PLS1: variants seen among roughly 807,000 people sequenced by gnomAD.
PLS1 encodes the protein plastin 1.
Under a neutral mutation model 73.7 loss-of-function variants are expected in PLS1, and 32 were observed. The ratio of observed to expected loss-of-function variants is 0.43; its 90% CI spans 0.33 to 0.58. The LOEUF is 0.58. PLS1 is among the 20% of genes least tolerant of loss of function. PLS1 has a pLI of 0.04. For synonymous variants in PLS1, 217 were observed against 261.3 expected (o/e 0.83, Z 1.63); for missense variants, 633 against 740.5 (o/e 0.85, Z 1.68).
At chr3:142,697,731 G>A (rs78603911) in intron 11 of PLS1, among the ~76,000 whole-genome samples, 6,807 of 152,174 alleles carry the variant, frequency 0.045, 189 homozygotes, top group East Asian at 0.14. Flanking sequence ...AAATATTGTG[G>A]CAATGAATGT....
At chr3:142,596,705 G>T (rs901811547) in intron 1 of PLS1, among the ~76,000 whole-genome samples, 196 bp downstream of exon 1, 27 of 152,236 alleles carry the variant, frequency 1.8e-4, no homozygotes, top group African/African-American at 6.0e-4. Context: ...GGCAGGCAGT[G>T]CCCGCAGGTG....
chr3:142,697,012 T>C (rs1025862507), intron 11 of PLS1, among the ~76,000 whole-genome samples: 1 of 152,062 alleles, frequency 6.6e-6, no homozygotes, highest in Non-Finnish European at 1.5e-5. Context: ...TAATTTAATA[T>C]GAACCTTAGC....
chr3:142,702,113 C>G (rs1050648559), intron 12 of PLS1, among the ~76,000 whole-genome samples: 1 of 152,170 alleles, frequency 6.6e-6, no homozygotes, highest in African/African-American at 2.4e-5. Context: ...ATGCTATTCA[C>G]AGGCGTGATT....
chr3:142,647,897 G>C (rs59017337), intron 1 of PLS1, among the ~76,000 whole-genome samples: 5,648 of 152,110 alleles, frequency 0.037, 344 homozygotes, highest in African/African-American at 0.13. Context: ...CTCTAGTAGG[G>C]GCTGTGTGGA....
At chr3:142,665,555 C>T (rs940071745) in intron 2 of PLS1, among the ~76,000 whole-genome samples, 3 of 152,070 alleles carry the variant, frequency 2.0e-5, no homozygotes, top group Non-Finnish European at 4.4e-5. Flanking sequence ...ATGTTCTGCT[C>T]ATTCTGAGCA....
chr3:142,670,090 G>T (rs1033147014), intron 3 of PLS1, among the ~76,000 whole-genome samples: 2 of 152,212 alleles, frequency 1.3e-5, no homozygotes, highest in Non-Finnish European at 2.9e-5. Context: ...GTGAGAGTTT[G>T]TGGTAGAAGG....
intron 1 of PLS1, among the ~76,000 whole-genome samples, chr3:142,637,894 G>T (rs2036729703): frequency 6.6e-6 from 1 of 151,110 alleles, no homozygotes; most frequent in Non-Finnish European, 1.5e-5. Flanking sequence ...GAGATTTAGA[G>T]CTGCTTTAAT....
At chr3:142,602,182 C>G (rs1424321280) in intron 1 of PLS1, among the ~76,000 whole-genome samples, 1 of 150,996 alleles carries the variant, frequency 6.6e-6, no homozygotes, top group African/African-American at 2.4e-5. Context: ...GGGACAGCAG[C>G]TTTTTCTCTG....
intron 1 of PLS1, among the ~76,000 whole-genome samples, chr3:142,636,619 T>C (rs973455156): frequency 2.0e-5 from 3 of 152,200 alleles, no homozygotes; most frequent in Non-Finnish European, 4.4e-5. Context: ...TCAAATAAGC[T>C]ATTAAGAGAA....
At chr3:142,653,197 T>C (rs1488456085) in intron 1 of PLS1, among the ~76,000 whole-genome samples, 2 of 152,212 alleles carry the variant, frequency 1.3e-5, no homozygotes, top group East Asian at 3.9e-4. Flanking sequence ...AGCTTGTTTC[T>C]GTTTTCTTCA....
At chr3:142,673,093 C>T (rs1406445651) in intron 4 of PLS1, among the ~76,000 whole-genome samples, 1 of 152,142 alleles carries the variant, frequency 6.6e-6, no homozygotes, top group Admixed American at 6.5e-5. Context: ...TCACATATAT[C>T]ATACTTCATT....
chr3:142,647,350 T>G (rs2036974776), intron 1 of PLS1, among the ~76,000 whole-genome samples: 2 of 152,170 alleles, frequency 1.3e-5, no homozygotes, highest in Non-Finnish European at 2.9e-5. Flanking sequence ...AATTACAAGG[T>G]GATAAGTTGC....
At chr3:142,602,846 C>G (rs564301678) in intron 1 of PLS1, among the ~76,000 whole-genome samples, 5 of 152,186 alleles carry the variant, frequency 3.3e-5, no homozygotes, top group African/African-American at 1.2e-4. Flanking sequence ...CTGGCTTCAC[C>G]GGGCTAATTT....
chr3:142,708,694 T>G (rs1577919103), intron 14 of PLS1, among the ~76,000 whole-genome samples: 1 of 152,254 alleles, frequency 6.6e-6, no homozygotes, highest in Non-Finnish European at 1.5e-5. Flanking sequence ...CCGAAGTCAT[T>G]TCTTTATGAT....
At chr3:142,628,203 C>T (rs373497062) in intron 1 of PLS1, among the ~76,000 whole-genome samples, 29 of 152,196 alleles carry the variant, frequency 1.9e-4, no homozygotes, top group African/African-American at 5.8e-4. Context: ...AACTGGGACT[C>T]GGGCACACTG....
At chr3:142,618,048 GC>G (rs1207466034) in intron 1 of PLS1, among the ~76,000 whole-genome samples, 1 of 152,162 alleles carries the variant, frequency 6.6e-6, no homozygotes, top group East Asian at 1.9e-4. Flanking sequence ...AATCTCTGGG[GC>G]CCAGTCTCTC....
intron 10 of PLS1, among the ~76,000 whole-genome samples, chr3:142,691,058 T>TA (rs1323961359): frequency 6.6e-6 from 1 of 152,112 alleles, no homozygotes; most frequent in Non-Finnish European, 1.5e-5. Context: ...CTCACACTTA[T>TA]CCCTTCTTTC....
At chr3:142,683,314 C>A (rs1201895123) in intron 6 of PLS1, among the ~76,000 whole-genome samples, 2 of 152,188 alleles carry the variant, frequency 1.3e-5, no homozygotes, top group African/African-American at 4.8e-5. Flanking sequence ...ACCATCCTGG[C>A]TAACATGGTG....
intron 1 of PLS1, among the ~76,000 whole-genome samples, chr3:142,612,078 G>A (rs892285030): frequency 5.9e-5 from 9 of 152,046 alleles, no homozygotes; most frequent in Admixed American, 1.3e-4. Context: ...TTTTTATTAC[G>A]ATGTAAGAAA....
Sources: allele counts gnomAD v4.1 joint callset (sites outside exome capture counted in the v4.1 genomes callset), GRCh38; gene constraint gnomAD v4.1.1; transcripts MANE v1.5; gene names NCBI Gene and HGNC (gene_info 2026-07-23, HGNC 2026-07-21).